ARHGAP40: variants seen among roughly 807,000 people sequenced by gnomAD.
The protein encoded by ARHGAP40 is Rho GTPase activating protein 40, also known as rho GTPase-activating protein 40.
Under a neutral mutation model 73.5 loss-of-function variants are expected in ARHGAP40, and 43 were observed. That is an observed-to-expected ratio of 0.58 (90% CI 0.46 to 0.75). The LOEUF (loss-of-function observed/expected upper bound fraction) is 0.75, where lower values mean the gene tolerates loss of function less well. ARHGAP40 is among the 30% of genes least tolerant of loss of function. The pLI is 0.00. For missense variants in ARHGAP40, 734 were observed against 861.8 expected, an observed-to-expected ratio of 0.85 and a Z score of 1.86; for synonymous variants, 300 against 352.8, an observed-to-expected ratio of 0.85 and a Z score of 1.68.
At chr20:38,648,473 T>C (rs1360866521) in intron 13 of ARHGAP40, among the ~76,000 whole-genome samples, 170 bp from the exon 14 acceptor site, 1 of 152,218 alleles carries the variant, frequency 6.6e-6, no homozygotes, top group Non-Finnish European at 1.5e-5. Context: ...CTGGACTCTG[T>C]CACTGGCTCC....
intron 1 of ARHGAP40, among the ~76,000 whole-genome samples, chr20:38,619,093 G>A (rs929731360): frequency 1.3e-5 from 2 of 152,180 alleles, no homozygotes; most frequent in Non-Finnish European, 2.9e-5. Flanking sequence ...TCCAGGTTAG[G>A]GATGAGAAAG....
chr20:38,621,423 G>A (rs1448341535), intron 1 of ARHGAP40, among the ~76,000 whole-genome samples: 1 of 152,216 alleles, frequency 6.6e-6, no homozygotes, highest in East Asian at 1.9e-4. Context: ...AATGCGCTGT[G>A]TGGGGGACCT....
At chr20:38,629,132 C>T (rs1486764610) in intron 4 of ARHGAP40, 130 bp downstream of exon 4, 1 of 815,470 alleles carries the variant, frequency 1.2e-6, no homozygotes, top group African/African-American at 1.8e-5. Context: ...CTTCCCTGCT[C>T]AAGGGCAGTA....
Position 38,634,497 on chromosome 20 carries a change from T to C in ARHGAP40, c.784-123T>C, listed in dbSNP as rs188145041. 8.1e-5 allele frequency: 64 copies of C among 794,162 alleles called. 1 individual carries two copies. The East Asian group carries it at 3.7e-3, about 46-fold the overall frequency. The allele number at this position is 794,162 out of a possible 1,614,324, so 49.2% of individuals were successfully genotyped here. ...GACTTGAGGATGGACTCCTCTTGAG[T>C]GCTTGCTCTTATCCACGCTGCTCTT... is the stretch of plus-strand genomic sequence containing the variant. On this transcript the variant is annotated intron_variant, in intron 5 of 14. Coordinates refer to ENST00000373345, the Ensembl canonical transcript of ARHGAP40.
At chr20:38,627,597 G>T (rs2088909086) in intron 3 of ARHGAP40, among the ~76,000 whole-genome samples, 1 of 122,120 alleles carries the variant, frequency 8.2e-6, no homozygotes, top group South Asian at 2.7e-4. Flanking sequence ...GTGTTGGGGT[G>T]TGCGTTGGTG....
At chr20:38,606,593 T>G (rs2088771650) in intron 1 of ARHGAP40, among the ~76,000 whole-genome samples, 2 of 152,202 alleles carry the variant, frequency 1.3e-5, no homozygotes, top group Admixed American at 1.3e-4. Flanking sequence ...TTTCACATGC[T>G]CAGTGTCTGG....
In ARHGAP40 at chr20:38,601,990, C is replaced by T. The variant is rs148622368; in HGVS notation, c.48C>T (p.Ala16=). Residue 16 remains alanine (A), a synonymous_variant, in exon 1 of 15, where the codon GCC becomes GCT. Transcript: ENST00000373345. ...CCGCCGCCCAGATGGAGAGGCTGGC[C>T]CCAGGGCCCCTAGCCTCACCGTGTC... 4.2e-3 allele frequency: 5,389 copies of T among 1,287,922 alleles called. 191 individuals carry two copies. In the African/African-American group the frequency reaches 0.072, roughly 17 times the overall value. The allele number at this position is 1,287,922 out of a possible 1,614,324, so 79.8% of individuals were successfully genotyped here.
chr20:38,620,157 G>A (rs1052254008), intron 1 of ARHGAP40, among the ~76,000 whole-genome samples: 5 of 152,220 alleles, frequency 3.3e-5, no homozygotes, highest in African/African-American at 9.6e-5. Context: ...ACAACTGGAG[G>A]CCACGCTGTA....
chr20:38,631,923 A>G (rs948120357), intron 5 of ARHGAP40, among the ~76,000 whole-genome samples: 16 of 152,176 alleles, frequency 1.1e-4, no homozygotes, highest in Admixed American at 2.0e-4. Context: ...TTTTCCATTA[A>G]TCATAGTACA....
intron 4 of ARHGAP40, 107 bp from the exon 5 acceptor site, chr20:38,629,395 G>T: frequency 8.9e-7 from 1 of 1,119,092 alleles, no homozygotes; most frequent in South Asian, 1.5e-5. Context: ...ACTTGAGCTT[G>T]GGAGCTCACT....
chr20:38,609,188 C>T (rs1256252146), intron 1 of ARHGAP40, among the ~76,000 whole-genome samples: 2 of 152,174 alleles, frequency 1.3e-5, no homozygotes, highest in Non-Finnish European at 2.9e-5. Context: ...AGTCACCCTT[C>T]CATATTGCTT....
rs141476666 is a variant in ARHGAP40, at chr20:38,639,336, C to T, written c.1229C>T (p.Pro410Leu). 6.6e-4 allele frequency: 860 copies of T among 1,305,536 alleles called. 3 individuals are homozygous for T. The highest frequency in any genetic ancestry group is 5.4e-3 in the African/African-American group (358 of 66,010). 80.9% of individuals were successfully genotyped at this position (1,305,536 alleles called of 1,614,324 possible). The change falls in exon 9 of 15, where the codon CCG becomes CTG. Residue 410 changes from proline (P) to leucine (L), a missense_variant. Transcript: ENST00000373345. ...CTCAAAAGGTTCATCCGGAAGCTGC[C>T]GACACCTTTGCTCACGGCTGAGTAC...
At chr20:38,602,295 C>T (rs1243022804) in intron 1 of ARHGAP40, among the ~76,000 whole-genome samples, 1 of 152,178 alleles carries the variant, frequency 6.6e-6, no homozygotes, top group Non-Finnish European at 1.5e-5. Context: ...CTTCCTGGGA[C>T]ACAGCATTGC....
rs538573424 is a variant in ARHGAP40 at position 38,629,497 on chromosome 20, C to T, written c.635-5C>T. 2.8e-5 allele frequency: 36 copies of T among 1,305,304 alleles called. No individual in the cohort carries two copies. The highest frequency in any genetic ancestry group is 5.5e-5 in the East Asian group (1 of 18,030). 80.9% of individuals were successfully genotyped at this position (1,305,304 alleles called of 1,614,324 possible). On this transcript the variant is annotated splice_region_variant and splice_polypyrimidine_tract_variant and intron_variant, in intron 4 of 14. Transcript: ENST00000373345. ...TTTCTCTGCTTTGTTTCCCCCGCCC[C>T]GCAGCAGCAGAGCCTGGGGGGCTGC...
At chr20:38,606,958 C>T (rs1175697999) in intron 1 of ARHGAP40, among the ~76,000 whole-genome samples, 6 of 152,210 alleles carry the variant, frequency 3.9e-5, no homozygotes, top group Non-Finnish European at 7.3e-5. Context: ...GGGGAAGTTA[C>T]TTAACCTTTC....
rs746771455 is a variant in ARHGAP40 at position 38,637,743 on chromosome 20, C to CT, written c.986dup (p.Glu330ArgfsTer3). ...CTTTGGTGTGCCCCTTGACAGCCTG[C>CT]TAGAAGCTGACCACAAAGTCCTCCC... On this transcript the variant is annotated frameshift_variant, in exon 7 of 15. Coordinates refer to ENST00000373345, the Ensembl canonical transcript of ARHGAP40. LOFTEE classifies it high-confidence loss of function. The CT allele has an allele frequency of 7.7e-7, 1 of 1,305,194 alleles. No individual in the cohort carries two copies. The highest frequency in any genetic ancestry group is 1.5e-5 in the African/African-American group (1 of 65,850). The allele number at this position is 1,305,194 out of a possible 1,614,324, so 80.9% of individuals were successfully genotyped here. A position where few individuals can be genotyped will look rare whatever the true frequency, so the allele number is the denominator to read the frequency against.
At chr20:38,633,236 T>C (rs1459968094) in intron 5 of ARHGAP40, among the ~76,000 whole-genome samples, 1 of 152,132 alleles carries the variant, frequency 6.6e-6, no homozygotes, top group Non-Finnish European at 1.5e-5. Flanking sequence ...GAGCTGTGAT[T>C]GTGCCCCTGC....
At chr20:38,602,066 G>T in exon 1 of ARHGAP40, 1 of 1,285,672 alleles carries the variant, frequency 7.8e-7, no homozygotes, top group Non-Finnish European at 1.0e-6. Context: ...GCGCTGGGCC[G>T]ACCTGGGCTG....
intron 1 of ARHGAP40, among the ~76,000 whole-genome samples, chr20:38,607,171 T>C (rs2088775406): frequency 1.3e-5 from 2 of 152,204 alleles, no homozygotes; most frequent in African/African-American, 2.4e-5. Flanking sequence ...CTTGTTTTCA[T>C]GGGACAAGTA....
Sources: allele counts gnomAD v4.1 joint callset (sites outside exome capture counted in the v4.1 genomes callset), GRCh38; gene constraint gnomAD v4.1.1; transcripts MANE v1.5; gene names NCBI Gene and HGNC (gene_info 2026-07-23, HGNC 2026-07-21).